ARMC3: variants seen among roughly 807,000 people sequenced by gnomAD.
The protein encoded by ARMC3 is armadillo repeat-containing protein 3.
ARMC3 carries 74 observed loss-of-function variants against 90.3 expected under a neutral mutation model. That is an observed-to-expected ratio of 0.82 (90% CI 0.68 to 0.99). ARMC3 has a LOEUF of 0.99. Among genes scored for constraint, ARMC3 ranks in the 50% least tolerant of loss-of-function variants. The probability of loss-of-function intolerance (pLI) is 0.00; values close to 1 mark genes in which losing one functional copy is unlikely to be tolerated. For synonymous variants in ARMC3, 334 were observed against 361.8 expected (o/e 0.92, Z 0.87); for missense variants, 958 against 1,042.8 (o/e 0.92, Z 1.12).
intron 3 of ARMC3, among the ~76,000 whole-genome samples, chr10:22,953,190 C>T (rs558177215): frequency 4.7e-4 from 72 of 152,054 alleles, no homozygotes; most frequent in Non-Finnish European, 9.6e-4. Flanking sequence ...ACGAAAGGGG[C>T]TCACTAGCCA....
intron 16 of ARMC3, among the ~76,000 whole-genome samples, chr10:23,020,647 A>G (rs1286129845): frequency 6.6e-6 from 1 of 152,196 alleles, no homozygotes; most frequent in African/African-American, 2.4e-5. Context: ...ATATGTAAAT[A>G]GTGGTATCTC....
chr10:23,009,800 C>T (rs1161207693), intron 16 of ARMC3, among the ~76,000 whole-genome samples: 1 of 152,154 alleles, frequency 6.6e-6, no homozygotes, highest in Non-Finnish European at 1.5e-5. Flanking sequence ...CTCGGCCCCA[C>T]ATGTTTACAT....
intron 8 of ARMC3, among the ~76,000 whole-genome samples, chr10:22,977,010 G>T (rs1281555369): frequency 6.6e-6 from 1 of 152,096 alleles, no homozygotes; most frequent in Non-Finnish European, 1.5e-5. Context: ...TTATCAATTT[G>T]TTCTTCCTCA....
At chr10:22,971,751 AT>A (rs113564073) in intron 8 of ARMC3, among the ~76,000 whole-genome samples, 31,682 of 151,806 alleles carry the variant, frequency 0.21, 3,649 homozygotes, top group African/African-American at 0.3. Context: ...TCTATTTTTA[AT>A]TTTTTTGAGA....
At chr10:23,029,193 A>G (rs1412168524) in intron 16 of ARMC3, among the ~76,000 whole-genome samples, 1 of 152,202 alleles carries the variant, frequency 6.6e-6, no homozygotes, top group African/African-American at 2.4e-5. Context: ...CTTTCTCTCA[A>G]GAGGGCATCT....
intron 8 of ARMC3, among the ~76,000 whole-genome samples, chr10:22,972,193 G>A (rs1439689240): frequency 6.6e-6 from 1 of 152,148 alleles, no homozygotes; most frequent in African/African-American, 2.4e-5. Context: ...AAATTGTGGT[G>A]CATTCCAATT....
chr10:23,014,323 G>C (rs538080461), intron 16 of ARMC3: 9 of 1,406,750 alleles, frequency 6.4e-6, no homozygotes, highest in Non-Finnish European at 7.4e-6. Flanking sequence ...CTCAATGTGC[G>C]TCCCTTCTCT....
chr10:23,016,665 C>T (rs1213916079), intron 16 of ARMC3, among the ~76,000 whole-genome samples: 2 of 152,180 alleles, frequency 1.3e-5, no homozygotes, highest in African/African-American at 4.8e-5. Flanking sequence ...TGGCAGACTT[C>T]ATGGGAAAGA....
intron 16 of ARMC3, among the ~76,000 whole-genome samples, chr10:23,014,643 C>A (rs12244692): frequency 0.022 from 3,342 of 152,126 alleles, 123 homozygotes; most frequent in African/African-American, 0.076. Context: ...AGATCATGTT[C>A]TTTGCAGAGA....
intron 3 of ARMC3, among the ~76,000 whole-genome samples, chr10:22,946,948 C>A (rs1834553561): frequency 6.6e-6 from 1 of 152,024 alleles, no homozygotes; most frequent in African/African-American, 2.4e-5. Flanking sequence ...TCACTTGAGC[C>A]CAGGAGTTTG....
At chr10:23,020,421 C>T (rs192382908) in intron 16 of ARMC3, among the ~76,000 whole-genome samples, 6 of 152,322 alleles carry the variant, frequency 3.9e-5, no homozygotes, top group Admixed American at 3.9e-4. Context: ...AGGTGTGAAC[C>T]ACCATACACA....
intron 16 of ARMC3, among the ~76,000 whole-genome samples, chr10:23,022,498 G>A (rs2131541571): frequency 6.6e-6 from 1 of 152,230 alleles, no homozygotes; most frequent in East Asian, 1.9e-4. Context: ...TATGACTTGG[G>A]GGAAAACACA....
Position 22,981,621 on chromosome 10 carries a change from A to C in ARMC3, c.1096A>C (p.Lys366Gln). ...GATTCCACAGTTAATTCAGTTGCTAAAAAGTGACAATGAAGAGGTACGGGA... is the reference window on the plus strand; with the variant it reads ...GATTCCACAGTTAATTCAGTTGCTACAAAGTGACAATGAAGAGGTACGGGA... ...QGIPQLIQLLKSDNEEVREAA... is the reference protein window; with the variant it reads ...QGIPQLIQLLQSDNEEVREAA... The change falls in exon 10 of 19, where the codon AAA becomes CAA. Residue 366 changes from lysine to glutamine, a missense_variant. Lys to Gln is a moderately conservative substitution (Grantham distance 53). Coordinates refer to ENST00000298032, the MANE Select transcript of ARMC3 (RefSeq NM_173081.5). 1 of 1,614,158 alleles carries C rather than the reference A, an allele frequency of 6.2e-7. No individual in the cohort carries two copies. Among genetic ancestry groups the C allele is most frequent in the Non-Finnish European group, 8.5e-7 (1 of 1,180,020 alleles).
chr10:23,016,754 ATTCATAAGATTGCAT>A (rs1838290332), intron 16 of ARMC3, among the ~76,000 whole-genome samples: 1 of 152,218 alleles, frequency 6.6e-6, no homozygotes, highest in Non-Finnish European at 1.5e-5. Context: ...CTTTTTAATC[ATTCATAAGATTGCAT>A]TTCCTGGAGG....
intron 16 of ARMC3, among the ~76,000 whole-genome samples, chr10:23,018,659 G>C (rs1304627426): frequency 6.6e-6 from 1 of 151,698 alleles, no homozygotes; most frequent in African/African-American, 2.4e-5. Context: ...TGGGACTACA[G>C]GTGCCTGCCA....
At chr10:23,022,236 G>T (rs1194633541) in intron 16 of ARMC3, among the ~76,000 whole-genome samples, 1 of 152,272 alleles carries the variant, frequency 6.6e-6, no homozygotes, top group South Asian at 2.1e-4. Context: ...GGCTTATGTG[G>T]AAATTTACTT....
At position 22,961,780 on chromosome 10, in the gene ARMC3, G is replaced by A. The variant is rs1785451315; in HGVS notation, c.538-104G>A. On this transcript the variant is annotated intron_variant, in intron 6 of 18. Transcript: ENST00000298032. Reference sequence around the variant, plus strand: ...TGGAAGGGAATCTGGAATAAAAGATGGGCAAATTATAACTTATGTTCTTGT... The same window carrying A: ...TGGAAGGGAATCTGGAATAAAAGATAGGCAAATTATAACTTATGTTCTTGT... The A allele has an allele frequency of 1.0e-5, 10 of 963,834 alleles. 1 individual carries two copies. Among genetic ancestry groups the A allele is most frequent in the Non-Finnish European group, 1.2e-5 (8 of 665,744 alleles). 59.7% of individuals were successfully genotyped at this position (963,834 alleles called of 1,614,324 possible). A position where few individuals can be genotyped will look rare whatever the true frequency, so the allele number is the denominator to read the frequency against.
At chr10:22,968,588 C>A in intron 8 of ARMC3, 99 bp downstream of exon 8, 1 of 1,091,028 alleles carries the variant, frequency 9.2e-7, no homozygotes, top group Non-Finnish European at 1.3e-6. Flanking sequence ...CAGCCTCAAC[C>A]TCCCCAGGTT....
At position 23,033,049 on chromosome 10, in the gene ARMC3, G is replaced by GCCATTAAGT. The variant is rs750435259; in HGVS notation, c.2409+27_2409+35dup. 3 of 1,606,086 alleles carry GCCATTAAGT rather than the reference G, an allele frequency of 1.9e-6. No individual in the cohort carries two copies. The South Asian group carries it at 3.4e-5, about 18-fold the overall frequency. On this transcript the variant is annotated intron_variant, in intron 18 of 18. Transcript: ENST00000298032. ...GTGTGTAAGGTATTTTGCCTCATTT[G>GCCATTAAGT]CCATTAAGTAAAAATGCTTTGTCTT... is the stretch of plus-strand genomic sequence containing the variant.
Sources: gnomAD v4.1 joint callset for allele counts (sites outside exome capture counted in the v4.1 genomes callset) on GRCh38, gnomAD v4.1.1 for gene constraint, MANE v1.5 for transcripts, NCBI Gene and HGNC (gene_info 2026-07-23, HGNC 2026-07-21) for gene names.